CTNNA3: variants seen among roughly 807,000 people sequenced by gnomAD.
CTNNA3 encodes the protein catenin alpha-3.
A neutral mutation model predicts 95.7 loss-of-function variants in CTNNA3; 76 were observed. The observed-to-expected ratio is 0.79, with a 90% CI of 0.66 to 0.96. The LOEUF (loss-of-function observed/expected upper bound fraction) is 0.96, where lower values mean the gene tolerates loss of function less well. CTNNA3 is among the 40% of genes least tolerant of loss of function. CTNNA3 has a pLI of 0.00. For missense variants in CTNNA3, 1,191 were observed against 1,089.8 expected, an observed-to-expected ratio of 1.09 and a Z score of -1.31; for synonymous variants, 431 against 374.4, an observed-to-expected ratio of 1.15 and a Z score of -1.74.
chr10:67,586,866 C>A (rs1372627969), intron 3 of CTNNA3, among the ~76,000 whole-genome samples: 1 of 151,682 alleles, frequency 6.6e-6, no homozygotes, highest in Non-Finnish European at 1.5e-5. Context: ...ATTCTTTGTA[C>A]CCTTCTTTTT....
intron 5 of CTNNA3, among the ~76,000 whole-genome samples, chr10:67,237,169 T>TATATAC (rs1865523179): frequency 4.3e-5 from 5 of 117,646 alleles, no homozygotes; most frequent in African/African-American, 1.3e-4. Flanking sequence ...TATATATATA[T>TATATAC]ATATACACAC....
intron 12 of CTNNA3, among the ~76,000 whole-genome samples, chr10:66,292,094 C>CACAT (rs1554923879): frequency 1.1e-4 from 17 of 150,572 alleles, no homozygotes; most frequent in Non-Finnish European, 1.8e-4. Flanking sequence ...CACACACACA[C>CACAT]ATATATATAT....
At chr10:65,959,714 C>T (rs1325349945) in intron 17 of CTNNA3, among the ~76,000 whole-genome samples, 1 of 152,058 alleles carries the variant, frequency 6.6e-6, no homozygotes, top group Non-Finnish European at 1.5e-5. Flanking sequence ...TGGGATTTGC[C>T]ATGTTGCCCA....
At chr10:67,301,281 A>T (rs938501028) in intron 5 of CTNNA3, among the ~76,000 whole-genome samples, 5 of 152,092 alleles carry the variant, frequency 3.3e-5, no homozygotes, top group African/African-American at 1.2e-4. Context: ...AATCTTTACA[A>T]TTATTAAAAA....
At chr10:66,055,955 A>G (rs957046247) in intron 15 of CTNNA3, among the ~76,000 whole-genome samples, 4 of 151,232 alleles carry the variant, frequency 2.6e-5, no homozygotes, top group Admixed American at 6.6e-5. Context: ...ATATAAAATC[A>G]TATCATCTGC....
chr10:66,872,689 T>C (rs963487510), intron 7 of CTNNA3, among the ~76,000 whole-genome samples: 16 of 151,516 alleles, frequency 1.1e-4, no homozygotes, highest in African/African-American at 3.6e-4. Flanking sequence ...ATAATAATAA[T>C]AATAATTTCA....
intron 5 of CTNNA3, among the ~76,000 whole-genome samples, chr10:67,462,880 A>C (rs192497164): frequency 6.6e-6 from 1 of 152,046 alleles, no homozygotes; most frequent in African/African-American, 2.4e-5. Flanking sequence ...TTTACATCGT[A>C]AGATTTCTGC....
chr10:66,307,279 G>A (rs2091947761), intron 12 of CTNNA3, among the ~76,000 whole-genome samples: 1 of 152,076 alleles, frequency 6.6e-6, no homozygotes. Context: ...CTTTAATGAT[G>A]TAAAATAAAA....
At chr10:67,414,800 C>T (rs190572319) in intron 5 of CTNNA3, among the ~76,000 whole-genome samples, 1 of 152,318 alleles carries the variant, frequency 6.6e-6, no homozygotes, top group African/African-American at 2.4e-5. Flanking sequence ...TTGTGATTTG[C>T]TGTGTTGCAA....
intron 1 of CTNNA3, among the ~76,000 whole-genome samples, chr10:67,719,980 G>C (rs1022793549): frequency 6.6e-6 from 1 of 151,594 alleles, no homozygotes; most frequent in Admixed American, 6.6e-5. Flanking sequence ...GAATCTAGGT[G>C]CTCCTGTGTT....
intron 9 of CTNNA3, among the ~76,000 whole-genome samples, chr10:66,670,014 GA>G (rs905670846): frequency 6.6e-6 from 1 of 151,630 alleles, no homozygotes; most frequent in African/African-American, 2.4e-5. Context: ...ATGGAGAATT[GA>G]AAAAAAATTA....
At chr10:67,474,642 G>A (rs1286620906) in intron 5 of CTNNA3, among the ~76,000 whole-genome samples, 1 of 152,066 alleles carries the variant, frequency 6.6e-6, no homozygotes, top group Non-Finnish European at 1.5e-5. Context: ...AAAGATCTAT[G>A]GAAAGCAAAT....
intron 3 of CTNNA3, among the ~76,000 whole-genome samples, chr10:67,597,077 C>A (rs1564771049): frequency 6.6e-6 from 1 of 152,180 alleles, no homozygotes; most frequent in East Asian, 1.9e-4. Flanking sequence ...AGTTATATTA[C>A]AAAATTCTTT....
chr10:66,424,276 A>G (rs543544420), intron 11 of CTNNA3, among the ~76,000 whole-genome samples: 64 of 151,978 alleles, frequency 4.2e-4, no homozygotes, highest in African/African-American at 1.5e-3. Flanking sequence ...TACTCCATAT[A>G]TTTTTGTTTA....
intron 7 of CTNNA3, among the ~76,000 whole-genome samples, chr10:67,116,061 A>C (rs1859169569): frequency 6.6e-6 from 1 of 152,000 alleles, no homozygotes; most frequent in South Asian, 2.1e-4. Flanking sequence ...ACAATCAGCC[A>C]GATCCAACTA....
At chr10:67,671,345 A>G (rs2133550277) in intron 1 of CTNNA3, among the ~76,000 whole-genome samples, 1 of 152,094 alleles carries the variant, frequency 6.6e-6, no homozygotes, top group East Asian at 1.9e-4. Context: ...ATCCGTTATT[A>G]ACTTCTTTTT....
intron 5 of CTNNA3, among the ~76,000 whole-genome samples, chr10:67,341,045 T>C (rs1842165430): frequency 6.6e-6 from 1 of 152,174 alleles, no homozygotes. Context: ...TTATTTATTT[T>C]TTCAATTTTT....
intron 5 of CTNNA3, among the ~76,000 whole-genome samples, chr10:67,507,270 C>G (rs749709548): frequency 9.9e-5 from 15 of 152,176 alleles, no homozygotes; most frequent in Non-Finnish European, 1.6e-4. Context: ...TGGCTCACGC[C>G]TGTAATCCCA....
At chr10:66,926,888 G>T in intron 7 of CTNNA3, 1 of 1,520,562 alleles carries the variant, frequency 6.6e-7, no homozygotes. Context: ...CTTTTTTGGG[G>T]GGATAACTTT....
Sources: allele counts gnomAD v4.1 joint callset (sites outside exome capture counted in the v4.1 genomes callset), GRCh38; gene constraint gnomAD v4.1.1; transcripts MANE v1.5; gene names NCBI Gene and HGNC (gene_info 2026-07-23, HGNC 2026-07-21).